Variants in ATP9B observed in about 807,000 individuals in gnomAD.
The protein encoded by ATP9B is ATPase phospholipid transporting 9B, also known as probable phospholipid-transporting ATPase IIB.
In ATP9B, 110 loss-of-function variants were observed where a neutral mutation model predicts 146.1. That is an observed-to-expected ratio of 0.75 (90% CI 0.65 to 0.88). The LOEUF (loss-of-function observed/expected upper bound fraction) is 0.88. Among genes scored for constraint, ATP9B ranks in the 40% least tolerant of loss-of-function variants. The probability of loss-of-function intolerance (pLI) is 0.00; values close to 1 mark genes in which losing one functional copy is unlikely to be tolerated. For synonymous variants in ATP9B, 604 were observed against 569.7 expected (o/e 1.06, Z -0.86); for missense variants, 1,499 against 1,496.4 (o/e 1.00, Z -0.03).
intron 1 of ATP9B, among the ~76,000 whole-genome samples, chr18:79,074,577 G>A (rs117002426): frequency 0.059 from 9,004 of 152,318 alleles, 360 homozygotes; most frequent in Middle Eastern, 0.095. Flanking sequence ...AGCCTTACTG[G>A]GCCAGCAGCT....
chr18:79,334,467 C>T (rs568064717), intron 17 of ATP9B, among the ~76,000 whole-genome samples: 2 of 152,264 alleles, frequency 1.3e-5, no homozygotes, highest in South Asian at 4.1e-4. Flanking sequence ...CACACCACAG[C>T]TTTAAAGCTT....
At chr18:79,150,043 T>G (rs2094659947) in intron 6 of ATP9B, among the ~76,000 whole-genome samples, 1 of 152,036 alleles carries the variant, frequency 6.6e-6, no homozygotes, top group Admixed American at 6.6e-5. Flanking sequence ...ATTGCGCCAC[T>G]GCACTCCAGC....
At position 79,349,565 on chromosome 18, in the gene ATP9B, C is replaced by G. The variant is rs561716394; in HGVS notation, c.2903+1369C>G. ...TGTTTCTAGTCCGCAGTCTAAACAC[C>G]GTTTCACTCGACAGCTCCCTGAATC... On this transcript the variant is annotated intron_variant, in intron 25 of 29. Coordinates refer to ENST00000426216, the MANE Select transcript of ATP9B (RefSeq NM_198531.5). Among the ~76,000 whole-genome samples, 476 of 152,300 alleles carry G rather than the reference C, an allele frequency of 3.1e-3. 2 individuals carry two copies. The highest frequency in any genetic ancestry group is 0.011 in the African/African-American group (463 of 41,560).
intron 9 of ATP9B, among the ~76,000 whole-genome samples, chr18:79,200,572 G>C (rs1395200625): frequency 6.6e-6 from 1 of 152,138 alleles, no homozygotes; most frequent in Non-Finnish European, 1.5e-5. Flanking sequence ...GGAAAAAAAA[G>C]GCAACTCATA....
intron 26 of ATP9B, among the ~76,000 whole-genome samples, chr18:79,369,955 A>T (rs3927204): frequency 6.6e-6 from 1 of 152,072 alleles, no homozygotes; most frequent in African/African-American, 2.4e-5. Context: ...AAAAATTAGC[A>T]GGGTGTGGTG....
intron 12 of ATP9B, among the ~76,000 whole-genome samples, chr18:79,260,624 AG>A (rs2096130417): frequency 6.6e-6 from 1 of 152,242 alleles, no homozygotes; most frequent in Non-Finnish European, 1.5e-5. Flanking sequence ...CTTGACCTAA[AG>A]GAACAGAGAC....
Position 79,079,171 on chromosome 18 carries a change from A to G in ATP9B, c.119+9642A>G, listed in dbSNP as rs150010389. On this transcript the variant is annotated intron_variant, in intron 1 of 29. Coordinates refer to ENST00000426216, the MANE Select transcript of ATP9B (RefSeq NM_198531.5). Reference sequence around the variant, plus strand: ...GAATGATTTATAATCCTTTGGGTATATACCCAGTAATGGGATTGCTGGGTC... The same window carrying G: ...GAATGATTTATAATCCTTTGGGTATGTACCCAGTAATGGGATTGCTGGGTC... Among the ~76,000 whole-genome samples the G allele has an allele frequency of 1.4e-3, 215 of 152,344 alleles. 2 individuals carry two copies. The highest frequency in any genetic ancestry group is 4.9e-3 in the African/African-American group (202 of 41,568).
intron 8 of ATP9B, among the ~76,000 whole-genome samples, chr18:79,177,771 G>A (rs2095196760): frequency 6.6e-6 from 1 of 152,100 alleles, no homozygotes. Flanking sequence ...TTAGCCTTCA[G>A]GTCAGAAGCT....
chr18:79,303,709 A>C lies in ATP9B; in HGVS notation c.1517A>C (p.Tyr506Ser). 6.2e-7 allele frequency: 1 copy of C among 1,613,392 alleles called. No individual in the cohort carries two copies. Among genetic ancestry groups the C allele is most frequent in the Admixed American group, 1.7e-5 (1 of 59,994 alleles). Residue 506 changes from tyrosine (Y) to serine (S), a missense_variant, in exon 14 of 30, where the codon TAC becomes TCC. By Grantham distance (144) the Tyr-to-Ser change is moderately radical. Coordinates refer to ENST00000426216, the MANE Select transcript of ATP9B (RefSeq NM_198531.5). ...ATCCAGAGCCATGTCAGGGACTCCT[A>C]CTCACAGGTAAGTGGGTTCCTCCTG... is the stretch of plus-strand genomic sequence containing the variant. ...DEIQSHVRDS[Y>S]SQMQSQAGGN...
chr18:79,143,978 C>T, intron 6 of ATP9B, 118 bp downstream of exon 6: 1 of 573,532 alleles, frequency 1.7e-6, no homozygotes, highest in Non-Finnish European at 2.9e-6. Flanking sequence ...ATCATAATAT[C>T]CTTGTGTAAG....
At chr18:79,354,869 C>G (rs1416142652) in intron 25 of ATP9B, among the ~76,000 whole-genome samples, 1 of 152,222 alleles carries the variant, frequency 6.6e-6, no homozygotes, top group African/African-American at 2.4e-5. Flanking sequence ...AACCGTGGGT[C>G]CACGAAAGGG....
chr18:79,321,476 G>A (rs1038647957), intron 15 of ATP9B, among the ~76,000 whole-genome samples: 6 of 151,748 alleles, frequency 4.0e-5, no homozygotes, highest in South Asian at 2.1e-4. Flanking sequence ...TCTGCCTCCC[G>A]GGTTCAAGCG....
chr18:79,374,000 T>G lies in ATP9B; in HGVS notation c.3173T>G (p.Val1058Gly). Residue 1058 changes from valine to glycine, a missense_variant, in exon 28 of 30, where the codon GTG becomes GGG. Val to Gly is a moderately radical substitution (Grantham distance 109, BLOSUM62 -3). Coordinates refer to ENST00000426216, the MANE Select transcript of ATP9B (RefSeq NM_198531.5). ...TALILTELLM[V>G]ALTVRTWHWL... is the part of the protein sequence containing the mutation. Reference sequence around the variant, plus strand: ...CTGATCCTGACCGAGCTGCTGATGGTGGCGCTGACCGTCCGCACGTGGCAC... The same window carrying G: ...CTGATCCTGACCGAGCTGCTGATGGGGGCGCTGACCGTCCGCACGTGGCAC... The G allele has an allele frequency of 6.2e-7, 1 of 1,614,164 alleles. No homozygotes were observed. Among genetic ancestry groups the G allele is most frequent in the Non-Finnish European group, 8.5e-7 (1 of 1,180,040 alleles).
At chr18:79,071,217 C>T (rs1386007377) in intron 1 of ATP9B, among the ~76,000 whole-genome samples, 1 of 151,322 alleles carries the variant, frequency 6.6e-6, no homozygotes, top group Non-Finnish European at 1.5e-5. Flanking sequence ...TTCACCACTT[C>T]CAGTCAAGTG....
chr18:79,077,884 A>G (rs1239322488), intron 1 of ATP9B: 3 of 152,254 alleles, frequency 2.0e-5, no homozygotes, highest in African/African-American at 7.2e-5. Context: ...GCTGCTCAGC[A>G]TATCTGAGTA....
chr18:79,079,030 T>G (rs1013165053), intron 1 of ATP9B, among the ~76,000 whole-genome samples: 1 of 152,186 alleles, frequency 6.6e-6, no homozygotes, highest in Admixed American at 6.5e-5. Flanking sequence ...CATGGTGTAT[T>G]TGTGCCACAT....
intron 5 of ATP9B, among the ~76,000 whole-genome samples, chr18:79,134,729 T>C (rs770994636): frequency 1.3e-5 from 2 of 152,230 alleles, no homozygotes; most frequent in Non-Finnish European, 2.9e-5. Context: ...TTTACCTTAT[T>C]ACAATTTTTC....
intron 5 of ATP9B, among the ~76,000 whole-genome samples, chr18:79,137,374 T>C (rs1313878067): frequency 6.6e-6 from 1 of 152,158 alleles, no homozygotes; most frequent in East Asian, 1.9e-4. Context: ...TCTTTTTGGG[T>C]GGTGGATATT....
chr18:79,372,769 CG>C lies in ATP9B; in HGVS notation c.3013-55del, dbSNP rs1167166823. 18 of 1,161,676 alleles carry C rather than the reference CG, an allele frequency of 1.5e-5. No individual in the cohort carries two copies. In the East Asian group the frequency reaches 3.8e-4, roughly 24 times the overall value. 72.0% of individuals were successfully genotyped at this position (1,161,676 alleles called of 1,614,324 possible). A position where few individuals can be genotyped will look rare whatever the true frequency, so the allele number is the denominator to read the frequency against. ...TGACCCATAGCTCACTCCTGGAAGG[CG>C]TGAGTCAAGCAGGTGGTTCTGCGCA... On this transcript the variant is annotated intron_variant, in intron 26 of 29. Transcript: ENST00000426216.
Sources: allele counts gnomAD v4.1 joint callset (sites outside exome capture counted in the v4.1 genomes callset), GRCh38; gene constraint gnomAD v4.1.1; transcripts MANE v1.5; gene names NCBI Gene and HGNC (gene_info 2026-07-23, HGNC 2026-07-21).